The following WWP2 variants were observed in gnomAD, a reference collection of about 807,000 sequenced individuals.
WWP2 encodes the protein WW domain containing E3 ubiquitin protein ligase 2.
Under a neutral mutation model 121.0 loss-of-function variants are expected in WWP2, and 57 were observed. The ratio of observed to expected loss-of-function variants is 0.47; its 90% CI spans 0.38 to 0.59. The LOEUF is 0.59. Ranked by LOEUF, WWP2 falls within the 20% of genes least tolerant of loss-of-function variation. The pLI, the probability that WWP2 is intolerant of heterozygous loss-of-function variation, is 0.00. For synonymous variants in WWP2, 449 were observed against 441.3 expected (o/e 1.02, Z -0.22); for missense variants, 962 against 1,158.9 (o/e 0.83, Z 2.47).
intron 2 of WWP2, among the ~76,000 whole-genome samples, chr16:69,790,050 C>A (rs1478372879): frequency 6.6e-6 from 1 of 152,116 alleles, no homozygotes; most frequent in Non-Finnish European, 1.5e-5. Context: ...CGAGACCAGC[C>A]TGGCCAATGT....
Position 69,935,007 on chromosome 16 carries a change from T to G in WWP2, c.1843-846T>G. 6.6e-6 allele frequency among the ~76,000 whole-genome samples: 1 copy of G among 152,056 alleles called. No homozygotes were observed. Among genetic ancestry groups the G allele is most frequent in the Non-Finnish European group, 1.5e-5 (1 of 68,012 alleles). On this transcript the variant is annotated intron_variant, in intron 17 of 23. Transcript: ENST00000359154. The surrounding 1 kb of genome is among the most constrained non-coding windows in gnomAD (Gnocchi z 5.2). ...GGGGAGGGGCGTCCCAGCGTCTGTA[T>G]TTAACTGGAAAGAGGGACACAATGT... is the stretch of plus-strand genomic sequence containing the variant.
chr16:69,767,788 A>T (rs966274588), intron 1 of WWP2, among the ~76,000 whole-genome samples: 1 of 152,036 alleles, frequency 6.6e-6, no homozygotes, highest in South Asian at 2.1e-4. Flanking sequence ...TTGCTTACTT[A>T]TCTTATTAGG....
chr16:69,815,786 C>T (rs900599690), intron 4 of WWP2, among the ~76,000 whole-genome samples: 17 of 131,748 alleles, frequency 1.3e-4, no homozygotes, highest in Admixed American at 6.5e-4. Context: ...GACTCCGTCT[C>T]GAAAAAAAAA....
chr16:69,895,589 C>G (rs2151946404), intron 8 of WWP2, among the ~76,000 whole-genome samples: 1 of 152,258 alleles, frequency 6.6e-6, no homozygotes, highest in Middle Eastern at 3.4e-3. Context: ...CATAGCAAGA[C>G]TTCGTCTCTA....
intron 19 of WWP2, 197 bp downstream of exon 19, chr16:69,936,649 C>T: frequency 1.4e-6 from 1 of 708,652 alleles, no homozygotes; most frequent in Non-Finnish European, 2.3e-6. Flanking sequence ...TAGTTACCGA[C>T]TCCCAGCTGT....
Position 69,768,471 on chromosome 16 carries a change from G to A in WWP2, c.-16+6080G>A, listed in dbSNP as rs187565404. Among the ~76,000 whole-genome samples the A allele has an allele frequency of 4.7e-4, 71 of 152,140 alleles. 1 individual carries two copies. The highest frequency in any genetic ancestry group is 2.4e-3 in the Admixed American group (36 of 15,252). ...TAAAAATACAAAAAATTAGCTAGGC[G>A]TGGTGGCAGACACCTGTAATCCCAG... On this transcript the variant is annotated intron_variant, in intron 1 of 23. Transcript: ENST00000359154.
intron 4 of WWP2, among the ~76,000 whole-genome samples, chr16:69,824,401 G>A (rs1278994091): frequency 5.9e-5 from 9 of 152,152 alleles, no homozygotes; most frequent in Non-Finnish European, 1.3e-4. Flanking sequence ...ATTAGGTACA[G>A]AGTGGGACTC....
chr16:69,806,473 C>A (rs1467477963), intron 4 of WWP2, among the ~76,000 whole-genome samples: 2 of 152,134 alleles, frequency 1.3e-5, no homozygotes, highest in Non-Finnish European at 2.9e-5. Context: ...GTCTCTATAA[C>A]ATGGGAATTA....
At chr16:69,844,636 C>A (rs1597041178) in intron 6 of WWP2, among the ~76,000 whole-genome samples, 1 of 152,310 alleles carries the variant, frequency 6.6e-6, no homozygotes, top group South Asian at 2.1e-4. Flanking sequence ...GACACCAGGT[C>A]ATCGGTGTTG....
intron 1 of WWP2, among the ~76,000 whole-genome samples, chr16:69,779,726 G>A (rs2055622821): frequency 6.6e-6 from 1 of 152,180 alleles, no homozygotes; most frequent in African/African-American, 2.4e-5. Context: ...TAGAAGTAAA[G>A]ATTTCTAAAA....
intron 8 of WWP2, among the ~76,000 whole-genome samples, chr16:69,905,481 T>C (rs2058275322): frequency 6.6e-6 from 1 of 152,176 alleles, no homozygotes; most frequent in African/African-American, 2.4e-5. Flanking sequence ...ATCCAGAACT[T>C]TTTGAGTTCC....
At position 69,917,730 on chromosome 16, in the gene WWP2, C is replaced by T. The variant is rs2058497190; in HGVS notation, c.1026C>T (p.Pro342=). ...LPPGWEKRTD[P]RGRFYYVDHN... ...CCAGCTGGGAAAAACGCACAGATCC[C>T]CGAGGCAGGTTTTACTATGTGGATC... Residue 342 remains proline (P), a synonymous_variant, in exon 10 of 24, where the codon CCC becomes CCT. Transcript: ENST00000359154. 1 of 1,605,050 alleles carries T rather than the reference C, an allele frequency of 6.2e-7. No homozygotes were observed. The highest frequency in any genetic ancestry group is 8.5e-7 in the Non-Finnish European group (1 of 1,172,190).
chr16:69,925,244 A>G lies in WWP2; in HGVS notation c.1180-186A>G. 2 of 1,441,226 alleles carry G rather than the reference A, an allele frequency of 1.4e-6. No individual in the cohort carries two copies. Among genetic ancestry groups the G allele is most frequent in the Non-Finnish European group, 1.8e-6 (2 of 1,097,986 alleles). 89.3% of individuals were successfully genotyped at this position (1,441,226 alleles called of 1,614,324 possible). ...CAGGGTTCTTTTTTGGTTTTTCTGTAAAAATCAAAACAAAAAACAGAGACT... is the reference window on the plus strand; with the variant it reads ...CAGGGTTCTTTTTTGGTTTTTCTGTGAAAATCAAAACAAAAAACAGAGACT... On this transcript the variant is annotated intron_variant, in intron 10 of 23. Coordinates refer to ENST00000359154, the MANE Select transcript of WWP2 (RefSeq NM_001270454.2). This position sits in a 1 kb window ranked among gnomAD's most constrained non-coding sequence, Gnocchi z 4.0.
chr16:69,878,732 G>T (rs1411974126), intron 7 of WWP2, among the ~76,000 whole-genome samples: 1 of 152,030 alleles, frequency 6.6e-6, no homozygotes, highest in Non-Finnish European at 1.5e-5. Flanking sequence ...ATACTATTTT[G>T]CAGTTAATGT....
intron 2 of WWP2, among the ~76,000 whole-genome samples, chr16:69,796,472 C>T (rs1198532641): frequency 6.6e-6 from 1 of 152,188 alleles, no homozygotes; most frequent in African/African-American, 2.4e-5. Context: ...ATTGTTTGCC[C>T]CTGTGATCAC....
chr16:69,896,518 G>A (rs368287382), intron 8 of WWP2, among the ~76,000 whole-genome samples: 1 of 152,230 alleles, frequency 6.6e-6, no homozygotes, highest in African/African-American at 2.4e-5. Flanking sequence ...CAAAGAGAGG[G>A]AGTGATGTGT....
chr16:69,860,041 ACT>A (rs1049698330), intron 6 of WWP2, among the ~76,000 whole-genome samples: 8 of 151,454 alleles, frequency 5.3e-5, no homozygotes, highest in African/African-American at 1.7e-4. Flanking sequence ...CAGTAGAAAG[ACT>A]CTCTCTAATG....
intron 7 of WWP2, among the ~76,000 whole-genome samples, chr16:69,881,351 G>A (rs919239900): frequency 6.6e-6 from 1 of 152,174 alleles, no homozygotes; most frequent in Non-Finnish European, 1.5e-5. Context: ...AGTTTTGTCT[G>A]CAGTGAAATG....
At chr16:69,778,628 TG>T (rs2151780594) in intron 1 of WWP2, among the ~76,000 whole-genome samples, 2 of 152,248 alleles carry the variant, frequency 1.3e-5, no homozygotes, top group Non-Finnish European at 2.9e-5. Context: ...GGATGGGATC[TG>T]TTCCTTTCTA....
Sources: gnomAD v4.1 joint callset for allele counts (sites outside exome capture counted in the v4.1 genomes callset) on GRCh38, gnomAD v4.1.1 for gene constraint, Gnocchi (gnomAD v3.1) non-coding constraint, MANE v1.5 for transcripts, NCBI Gene and HGNC (gene_info 2026-07-23, HGNC 2026-07-21) for gene names.